KDM6A: variants seen among roughly 807,000 people sequenced by gnomAD.
KDM6A encodes lysine demethylase 6A.
A neutral mutation model predicts 117.6 loss-of-function variants in KDM6A; 11 were observed. The observed-to-expected ratio is 0.09, with a 90% CI of 0.06 to 0.15. The LOEUF (loss-of-function observed/expected upper bound fraction) is 0.15, where lower values mean the gene tolerates loss of function less well. Among genes scored for constraint, KDM6A ranks in the 10% least tolerant of loss-of-function variants. KDM6A has a pLI of 1.00. For synonymous variants in KDM6A, 384 were observed against 396.1 expected (o/e 0.97, Z 0.36); for missense variants, 799 against 1,077.3 (o/e 0.74, Z 3.62).
intron 2 of KDM6A, among the ~76,000 whole-genome samples, chrX:44,884,102 CAAAAAAAAAAAA>C (rs60159327): frequency 4.2e-5 from 1 of 23,774 alleles, no homozygotes; most frequent in East Asian, 1.4e-3. Context: ...AACTCTATCT[CAAAAAAAAAAAA>C]AAAAAAAAAA....
At chrX:44,944,920 T>C (rs1385631209) in intron 2 of KDM6A, among the ~76,000 whole-genome samples, 1 of 111,438 alleles carries the variant, frequency 9.0e-6, no homozygotes, top group Non-Finnish European at 1.9e-5. Context: ...TTTATTTTGT[T>C]GTGTAGATCA....
At chrX:45,063,113 G>A (rs1364830026) in intron 16 of KDM6A, among the ~76,000 whole-genome samples, 1 of 110,652 alleles carries the variant, frequency 9.0e-6, no homozygotes, top group African/African-American at 3.3e-5. Context: ...TTGAGAGAAG[G>A]ACCTATAAGT....
chrX:45,016,944 C>T (rs1377096878), intron 5 of KDM6A, among the ~76,000 whole-genome samples: 2 of 111,662 alleles, frequency 1.8e-5, no homozygotes, highest in African/African-American at 6.5e-5. Flanking sequence ...GAAATATATT[C>T]AGCACATGTA....
chrX:45,059,625 T>C (rs2044221401), intron 12 of KDM6A, among the ~76,000 whole-genome samples, 159 bp downstream of exon 12: 1 of 112,479 alleles, frequency 8.9e-6, no homozygotes, highest in Admixed American at 9.4e-5. Context: ...TATTTTACTT[T>C]TCATTTTAAG....
rs2146443355 is a variant in KDM6A at position 44,873,653 on chromosome X, C to T, written c.102C>T (p.Ser34=). Reference sequence around the variant, plus strand: ...CGGCGGGAAAAGCGAGCGGCGAGAGCGAGGAGGCGTCCCCCAGCCTGACAG... The same window carrying T: ...CGGCGGGAAAAGCGAGCGGCGAGAGTGAGGAGGCGTCCCCCAGCCTGACAG... ...KMAAGKASGE[S]EEASPSLTAE... Residue 34 remains serine, a synonymous_variant, in exon 1 of 30, where the codon AGC becomes AGT. Coordinates refer to ENST00000611820, the MANE Select transcript of KDM6A (RefSeq NM_001291415.2). The T allele has an allele frequency of 1.7e-6, 2 of 1,190,155 alleles. No individual in the cohort carries two copies.
chrX:45,063,372 C>T (rs757205781), intron 16 of KDM6A, 50 bp from the exon 17 acceptor site: 3 of 1,127,207 alleles, frequency 2.7e-6, no homozygotes, highest in South Asian at 3.6e-5. Flanking sequence ...AGATTCTCTT[C>T]CCTATAGATT....
At chrX:44,928,311 G>A (rs1269744701) in intron 2 of KDM6A, among the ~76,000 whole-genome samples, 2 of 111,684 alleles carry the variant, frequency 1.8e-5, no homozygotes, top group Non-Finnish European at 1.9e-5. Context: ...AATAGAGAGG[G>A]AGTGTGTGCA....
intron 17 of KDM6A, among the ~76,000 whole-genome samples, chrX:45,067,258 T>C (rs1049996691): frequency 4.5e-5 from 5 of 112,005 alleles, no homozygotes; most frequent in Admixed American, 1.9e-4. Context: ...ATTTAAGATA[T>C]GAAAGTAAAA....
chrX:44,944,308 C>T (rs1336249686), intron 2 of KDM6A, among the ~76,000 whole-genome samples: 1 of 111,544 alleles, frequency 9.0e-6, no homozygotes, highest in Non-Finnish European at 1.9e-5. Flanking sequence ...GCCGAAGTTG[C>T]CCCATTGCAC....
chrX:44,989,545 A>T (rs989197504), intron 4 of KDM6A, among the ~76,000 whole-genome samples: 3 of 110,430 alleles, frequency 2.7e-5, no homozygotes, highest in Admixed American at 9.7e-5. Flanking sequence ...TCTTGGCTCC[A>T]CCCGCTCTCC....
intron 21 of KDM6A, among the ~76,000 whole-genome samples, chrX:45,081,392 C>T (rs1012626529): frequency 8.9e-5 from 10 of 112,198 alleles, no homozygotes; most frequent in Non-Finnish European, 1.9e-4. Flanking sequence ...ATGTCTGTGA[C>T]TCAAGAGTTG....
At chrX:45,045,588 GAAAAAAAAAA>G (rs569636939) in intron 8 of KDM6A, among the ~76,000 whole-genome samples, 2 of 35,671 alleles carry the variant, frequency 5.6e-5, no homozygotes, top group African/African-American at 8.9e-5. Context: ...TCTGTCTCAA[GAAAAAAAAAA>G]AAAAAAAAAA....
chrX:44,896,018 A>G (rs2033819079), intron 2 of KDM6A, among the ~76,000 whole-genome samples: 1 of 110,528 alleles, frequency 9.0e-6, no homozygotes, highest in African/African-American at 3.3e-5. Context: ...ACTTTCAGTT[A>G]AGCACAGAAA....
chrX:45,061,890 T>G (rs370171429), intron 15 of KDM6A, among the ~76,000 whole-genome samples: 6 of 107,863 alleles, frequency 5.6e-5, no homozygotes, highest in East Asian at 2.9e-4. Flanking sequence ...AGAGCATTCA[T>G]TCTTGTTTTT....
chrX:45,082,885 T>C (rs2045479062), intron 23 of KDM6A, 96 bp downstream of exon 23: 1 of 570,017 alleles, frequency 1.8e-6, no homozygotes, highest in South Asian at 2.8e-5. Context: ...GTTTCATTTA[T>C]TGTCATTTTT....
intron 2 of KDM6A, among the ~76,000 whole-genome samples, chrX:44,899,302 C>G (rs190673989): frequency 2.0e-5 from 2 of 98,864 alleles, no homozygotes; most frequent in South Asian, 1.0e-3. Flanking sequence ...ATGGGTTTTG[C>G]CAGAAAGGTT....
intron 2 of KDM6A, among the ~76,000 whole-genome samples, chrX:44,947,429 G>A: frequency 9.3e-6 from 1 of 107,100 alleles, no homozygotes; most frequent in Non-Finnish European, 1.9e-5. Flanking sequence ...AGGCTGGAGT[G>A]CAGTGGCGTG....
chrX:44,929,757 A>C (rs1474508259), intron 2 of KDM6A, among the ~76,000 whole-genome samples: 1 of 112,042 alleles, frequency 8.9e-6, no homozygotes, highest in Non-Finnish European at 1.9e-5. Flanking sequence ...CATTTCTACC[A>C]GCAGTGTATG....
intron 21 of KDM6A, among the ~76,000 whole-genome samples, chrX:45,081,581 T>C (rs962679227): frequency 1.8e-5 from 2 of 111,231 alleles, no homozygotes; most frequent in Non-Finnish European, 3.8e-5. Context: ...TATAGCTATG[T>C]ACACATACAT....
Sources: allele counts gnomAD v4.1 joint callset (sites outside exome capture counted in the v4.1 genomes callset), GRCh38; gene constraint gnomAD v4.1.1; transcripts MANE v1.5; gene names NCBI Gene and HGNC (gene_info 2026-07-23, HGNC 2026-07-21).